The following KAZN variants were observed in gnomAD, a reference collection of about 807,000 sequenced individuals.
KAZN encodes the protein kazrin, periplakin interacting protein, also known as kazrin.
In KAZN, 40 loss-of-function variants were observed where a neutral mutation model predicts 87.4. The observed-to-expected ratio is 0.46, with a 90% CI of 0.36 to 0.60. The LOEUF is 0.60. Among genes scored for constraint, KAZN ranks in the 20% least tolerant of loss-of-function variants. The probability of loss-of-function intolerance (pLI) is 0.00; values close to 1 mark genes in which losing one functional copy is unlikely to be tolerated. For synonymous variants in KAZN, 466 were observed against 458.3 expected, an observed-to-expected ratio of 1.02 and a Z score of -0.22; for missense variants, 898 against 1,073.9, an observed-to-expected ratio of 0.84 and a Z score of 2.29.
intron 1 of KAZN, among the ~76,000 whole-genome samples, chr1:14,947,268 T>C (rs972514581): frequency 1.3e-5 from 2 of 152,170 alleles, no homozygotes; most frequent in African/African-American, 4.8e-5. Context: ...AATTTTTTTT[T>C]CCTCAAGGGT....
chr1:14,504,043 C>T (rs1670416916), intron 2 of KAZN, among the ~76,000 whole-genome samples: 1 of 152,186 alleles, frequency 6.6e-6, no homozygotes, highest in African/African-American at 2.4e-5. Context: ...CGAATTTTCA[C>T]ACCTCCTTAA....
At chr1:14,358,595 C>G (rs1557661114) in intron 2 of KAZN, among the ~76,000 whole-genome samples, 4 of 152,050 alleles carry the variant, frequency 2.6e-5, no homozygotes, top group Admixed American at 2.6e-4. Flanking sequence ...ATTGCTTTAG[C>G]TGTGTCCCAG....
intron 1 of KAZN, among the ~76,000 whole-genome samples, chr1:14,040,802 A>ATT (rs1316000801): frequency 2.6e-5 from 4 of 151,126 alleles, no homozygotes; most frequent in Non-Finnish European, 4.4e-5. Flanking sequence ...ATTAAATTAA[A>ATT]ATAAAATAAA....
At chr1:14,415,729 G>T (rs867152726) in intron 2 of KAZN, among the ~76,000 whole-genome samples, 2 of 152,170 alleles carry the variant, frequency 1.3e-5, no homozygotes. Context: ...AGGTGTAGTA[G>T]TAAGTAGGAC....
chr1:14,479,437 T>C lies in KAZN; in HGVS notation c.250-119546T>C, dbSNP rs141309834. Reference sequence around the variant, plus strand: ...TCTTAATAGCATTCATAAGAATCAATGGCCTGCCCCAGCTTCTGTTGCAAC... The same window carrying C: ...TCTTAATAGCATTCATAAGAATCAACGGCCTGCCCCAGCTTCTGTTGCAAC... On this transcript the variant is annotated intron_variant, in intron 2 of 16. Coordinates refer to the KAZN transcript ENST00000636203. Among the ~76,000 whole-genome samples the C allele has an allele frequency of 6.1e-3, 933 of 152,344 alleles. 11 individuals carry two copies. The highest frequency in any genetic ancestry group is 0.021 in the African/African-American group (882 of 41,586).
chr1:14,174,874 A>AG (rs760893355), intron 1 of KAZN, among the ~76,000 whole-genome samples: 34 of 152,258 alleles, frequency 2.2e-4, no homozygotes, highest in Non-Finnish European at 4.0e-4. Flanking sequence ...GGGAAAACTG[A>AG]GGGGTAAGTA....
chr1:14,535,052 A>G (rs574082832), intron 2 of KAZN, among the ~76,000 whole-genome samples: 6 of 152,024 alleles, frequency 3.9e-5, no homozygotes, highest in African/African-American at 1.4e-4. Context: ...CCCTTCTTCA[A>G]GGAACAAACT....
intron 1 of KAZN, among the ~76,000 whole-genome samples, chr1:14,113,544 A>G (rs1644544764): frequency 6.6e-6 from 1 of 152,212 alleles, no homozygotes; most frequent in Admixed American, 6.5e-5. Flanking sequence ...TTTTCCAAAA[A>G]CTTCCATGTT....
chr1:14,905,434 A>G (rs1175023862), intron 1 of KAZN, among the ~76,000 whole-genome samples: 1 of 152,222 alleles, frequency 6.6e-6, no homozygotes, highest in Non-Finnish European at 1.5e-5. Flanking sequence ...ACGCAGTCAC[A>G]AAGGCCTGCA....
chr1:14,404,660 T>C (rs1285585225), intron 2 of KAZN, among the ~76,000 whole-genome samples: 1 of 152,118 alleles, frequency 6.6e-6, no homozygotes. Flanking sequence ...TGTCTGTAAA[T>C]AGGAGAAAAG....
At chr1:14,807,870 G>T (rs1306518081) in intron 1 of KAZN, among the ~76,000 whole-genome samples, 1 of 152,086 alleles carries the variant, frequency 6.6e-6, no homozygotes, top group Non-Finnish European at 1.5e-5. Flanking sequence ...AGGCAACCCT[G>T]GCTTGGAGCA....
intron 13 of KAZN, among the ~76,000 whole-genome samples, chr1:15,106,708 C>T (rs1440266508): frequency 6.6e-6 from 1 of 152,240 alleles, no homozygotes; most frequent in Admixed American, 6.5e-5. Context: ...AATATGACGT[C>T]ATCTCTAGTC....
intron 1 of KAZN, among the ~76,000 whole-genome samples, chr1:14,093,181 C>T (rs571419284): frequency 6.6e-5 from 10 of 152,150 alleles, no homozygotes; most frequent in East Asian, 1.9e-4. Context: ...AGCCACTGCC[C>T]GTCAAGAAAT....
chr1:15,112,982 T>C (rs80065702), intron 14 of KAZN: 570 of 47,452 alleles, frequency 0.012, 4 homozygotes, highest in African/African-American at 0.056. Context: ...ACCTGACCAA[T>C]AGCAAAGATG....
intron 2 of KAZN, among the ~76,000 whole-genome samples, chr1:14,462,539 G>A (rs1248812435): frequency 2.0e-5 from 3 of 152,132 alleles, no homozygotes; most frequent in African/African-American, 7.2e-5. Context: ...GCCTGGGAGA[G>A]TTTTTGGCTT....
At chr1:14,540,285 A>ATACCCC (rs1489587846) in intron 2 of KAZN, among the ~76,000 whole-genome samples, 11 of 152,286 alleles carry the variant, frequency 7.2e-5, no homozygotes, top group African/African-American at 2.6e-4. Context: ...TAAATGTTGA[A>ATACCCC]TACCCCTGCA....
At chr1:14,617,300 C>T (rs1678327440) in intron 1 of KAZN, among the ~76,000 whole-genome samples, 1 of 152,150 alleles carries the variant, frequency 6.6e-6, no homozygotes, top group South Asian at 2.1e-4. Flanking sequence ...GCGTATGAAA[C>T]TTATGTTTAC....
chr1:14,855,199 A>C (rs61773571), intron 1 of KAZN, among the ~76,000 whole-genome samples: 7,946 of 152,248 alleles, frequency 0.052, 301 homozygotes, highest in Admixed American at 0.09. Flanking sequence ...CTTTAAGACT[A>C]CAGTGCATTG....
intron 1 of KAZN, among the ~76,000 whole-genome samples, chr1:14,108,500 C>T (rs941659694): frequency 1.3e-5 from 2 of 152,120 alleles, no homozygotes; most frequent in African/African-American, 2.4e-5. Flanking sequence ...CTGCTCAAAA[C>T]GTGGCATCGT....
Sources: allele counts gnomAD v4.1 joint callset (sites outside exome capture counted in the v4.1 genomes callset), GRCh38; gene constraint gnomAD v4.1.1; transcripts MANE v1.5; gene names NCBI Gene and HGNC (gene_info 2026-07-23, HGNC 2026-07-21).